GPR25: variants seen among roughly 807,000 people sequenced by gnomAD.
The protein encoded by GPR25 is C-X-C chemokine receptor GPR25.
For synonymous variants in GPR25, 280 were observed against 264.9 expected (o/e 1.06, Z -0.55); for missense variants, 501 against 503.0 (o/e 1.00, Z 0.04).
Position 200,873,107 on chromosome 1 carries a change from C to A in GPR25, c.70C>A (p.Leu24Met), listed in dbSNP as rs369072528. The A allele has an allele frequency of 2.5e-6, 4 of 1,595,998 alleles. No individual in the cohort carries two copies. The highest frequency in any genetic ancestry group is 1.3e-5 in the African/African-American group (1 of 74,798). The change falls in exon 1 of 1, where the codon CTG becomes ATG. Residue 24 changes from leucine to methionine, a missense_variant. Coordinates refer to ENST00000304244, the MANE Select transcript of GPR25 (RefSeq NM_005298.4). Reference protein sequence around the residue: ...APWDYSGLDGLEELELCPAGD... With the variant: ...APWDYSGLDGMEELELCPAGD... ...CTGGGACTACTCGGGGTTGGACGGC[C>A]TGGAGGAGCTGGAGCTGTGTCCGGC...
In GPR25 at chr1:200,873,987, G is replaced by A. The variant is rs1668008539; in HGVS notation, c.950G>A (p.Arg317Gln). 1 of 1,612,156 alleles carries A rather than the reference G, an allele frequency of 6.2e-7. No individual in the cohort carries two copies. ...YLLLDRSFRA[R>Q]ALDGACGRTG... is the part of the protein sequence containing the mutation. ...CTGCTGGACCGCTCATTCCGAGCCCGGGCGCTGGACGGGGCCTGCGGGCGC... is the reference window on the plus strand; with the variant it reads ...CTGCTGGACCGCTCATTCCGAGCCCAGGCGCTGGACGGGGCCTGCGGGCGC... The change falls in exon 1 of 1, where the codon CGG (arginine) becomes CAG (glutamine). Residue 317 changes from arginine (R) to glutamine (Q), a missense_variant. By Grantham distance (43) the Arg-to-Gln change is conservative. Transcript: ENST00000304244.
chr1:200,874,119 G>C lies in GPR25; in HGVS notation c.1082G>C (p.Trp361Ser). The change falls in exon 1 of 1, where the codon TGG becomes TCG. Residue 361 changes from tryptophan (W) to serine (S), a missense_variant. By Grantham distance (177) the Trp-to-Ser change is radical. Coordinates refer to ENST00000304244, the MANE Select transcript of GPR25 (RefSeq NM_005298.4). ...AQAANTASASW is the reference protein window; with the variant it reads ...AQAANTASASS ...GCCGCGAACACTGCCTCGGCCTCCT[G>C]GTAGCTGCCCCGGGCCGCTGGAGGT... 1 of 1,540,898 alleles carries C rather than the reference G, an allele frequency of 6.5e-7. No homozygotes were observed. Among genetic ancestry groups the C allele is most frequent in the Non-Finnish European group, 8.8e-7 (1 of 1,139,256 alleles).
At position 200,873,016 on chromosome 1, in the gene GPR25, G is replaced by T. The variant is rs761712523; in HGVS notation, c.-22G>T. 9.3e-6 allele frequency: 14 copies of T among 1,505,990 alleles called. 1 individual carries two copies. In the South Asian group the frequency reaches 1.5e-4, roughly 16 times the overall value. 93.3% of individuals were successfully genotyped at this position (1,505,990 alleles called of 1,614,324 possible). The stretch of plus-strand genomic sequence containing the variant: ...CCGCCTGCGCCCAGGGCTGCACTCC[G>T]CGCAGGCCTCATAGCCAGGCCATGG... On this transcript the variant is annotated 5_prime_UTR_variant, in exon 1 of 1. Transcript: ENST00000304244.
In GPR25 at chr1:200,874,080, G is replaced by A. The variant is rs774335788; in HGVS notation, c.1043G>A (p.Arg348His). The change falls in exon 1 of 1, where the codon CGT becomes CAT. Residue 348 changes from arginine (R) to histidine (H), a missense_variant. Physicochemically the swap from Arg to His is conservative, Grantham distance 29. Transcript: ENST00000304244. Reference sequence around the variant, plus strand: ...TCCAGGGACGACAGTTCCGTGTTCCGTTGCCGGGCCCAGGCCGCGAACACT... The same window carrying A: ...TCCAGGGACGACAGTTCCGTGTTCCATTGCCGGGCCCAGGCCGCGAACACT... ...SLSRDDSSVF[R>H]CRAQAANTAS... 2 of 1,591,362 alleles carry A rather than the reference G, an allele frequency of 1.3e-6. No individual in the cohort carries two copies. The highest frequency in any genetic ancestry group is 1.1e-5 in the South Asian group (1 of 88,982).
Position 200,873,498 on chromosome 1 carries a change from G to A in GPR25, c.461G>A (p.Arg154His), listed in dbSNP as rs750918995. ...LLEARPLRTP[R>H]CALASCCGVW... ...GAGGCGAGGCCACTGCGCACCCCGCGCTGCGCGCTGGCCTCGTGCTGCGGC... is the reference window on the plus strand; with the variant it reads ...GAGGCGAGGCCACTGCGCACCCCGCACTGCGCGCTGGCCTCGTGCTGCGGC... Residue 154 changes from arginine to histidine, a missense_variant, in exon 1 of 1, where the codon CGC (arginine) becomes CAC (histidine). Arg to His is a conservative substitution (Grantham distance 29, BLOSUM62 0). Coordinates refer to ENST00000304244, the MANE Select transcript of GPR25 (RefSeq NM_005298.4). 6.4e-7 allele frequency: 1 copy of A among 1,561,814 alleles called. No individual in the cohort carries two copies. Among genetic ancestry groups the A allele is most frequent in the Non-Finnish European group, 8.6e-7 (1 of 1,162,604 alleles).
At position 200,873,980 on chromosome 1, in the gene GPR25, C is replaced by G. The variant is rs755676629; in HGVS notation, c.943C>G (p.Arg315Gly). 2 of 1,612,198 alleles carry G rather than the reference C, an allele frequency of 1.2e-6. No individual in the cohort carries two copies. The highest frequency in any genetic ancestry group is 8.5e-7 in the Non-Finnish European group (1 of 1,179,592). Residue 315 changes from arginine (R) to glycine (G), a missense_variant, in exon 1 of 1, where the codon CGA becomes GGA. Arg to Gly is a moderately radical substitution (Grantham distance 125, BLOSUM62 -2). Coordinates refer to ENST00000304244, the MANE Select transcript of GPR25 (RefSeq NM_005298.4). ...CTACCTCCTGCTGGACCGCTCATTC[C>G]GAGCCCGGGCGCTGGACGGGGCCTG... ...LIYLLLDRSF[R>G]ARALDGACGR...
rs1423726739 is a variant in GPR25, at chr1:200,873,433, C to A, written c.396C>A (p.Gly132=). 1 of 1,526,448 alleles carries A rather than the reference C, an allele frequency of 6.6e-7. No individual in the cohort carries two copies. The highest frequency in any genetic ancestry group is 8.7e-7 in the Non-Finnish European group (1 of 1,146,578). 94.6% of individuals were successfully genotyped at this position (1,526,448 alleles called of 1,614,324 possible). A position where few individuals can be genotyped will look rare whatever the true frequency, so the allele number is the denominator to read the frequency against. ...GCGCGGGCGCGCTGCTGCTGGCGGGCATGAGCGTGGACCGCTACCTGGCCG... is the reference window on the plus strand; with the variant it reads ...GCGCGGGCGCGCTGCTGCTGGCGGGAATGAGCGTGGACCGCTACCTGGCCG... The part of the protein sequence containing the change: ...TRCAGALLLA[G]MSVDRYLAVV... Residue 132 remains glycine, a synonymous_variant, in exon 1 of 1, where the codon GGC becomes GGA. Coordinates refer to ENST00000304244, the MANE Select transcript of GPR25 (RefSeq NM_005298.4).
chr1:200,873,563 G>A lies in GPR25; in HGVS notation c.526G>A (p.Val176Ile), dbSNP rs1219637980. The A allele has an allele frequency of 2.5e-6, 4 of 1,575,886 alleles. No individual in the cohort carries two copies. The highest frequency in any genetic ancestry group is 1.3e-5 in the African/African-American group (1 of 74,492). The part of the protein sequence containing the change: ...VALLAGLPSL[V>I]YRGLQPLPGG... ...GCTGCTGGCCGGCCTGCCCTCCCTG[G>A]TCTACCGGGGGTTGCAGCCCCTGCC... The change falls in exon 1 of 1, where the codon GTC (valine) becomes ATC (isoleucine). Residue 176 changes from valine to isoleucine, a missense_variant. Transcript: ENST00000304244.
At position 200,873,016 on chromosome 1, in the gene GPR25, G is replaced by A. The variant is rs761712523; in HGVS notation, c.-22G>A. ...CCGCCTGCGCCCAGGGCTGCACTCCGCGCAGGCCTCATAGCCAGGCCATGG... is the reference window on the plus strand; with the variant it reads ...CCGCCTGCGCCCAGGGCTGCACTCCACGCAGGCCTCATAGCCAGGCCATGG... On this transcript the variant is annotated 5_prime_UTR_variant, in exon 1 of 1. Transcript: ENST00000304244. 3 of 1,505,872 alleles carry A rather than the reference G, an allele frequency of 2.0e-6. No individual in the cohort carries two copies. The African/African-American group carries it at 4.1e-5, about 21-fold the overall frequency. The allele number at this position is 1,505,872 out of a possible 1,614,324, so 93.3% of individuals were successfully genotyped here.
At position 200,873,262 on chromosome 1, in the gene GPR25, T is replaced by C; in HGVS notation, c.225T>C (p.Asp75=). 3.2e-6 allele frequency: 5 copies of C among 1,566,728 alleles called. No homozygotes were observed. Among genetic ancestry groups the C allele is most frequent in the Non-Finnish European group, 4.3e-6 (5 of 1,161,026 alleles). ...AGRRGPRRLV[D]TFVLHLAAAD... ...GGCGGGGCCCGCGGCGGCTGGTGGA[T>C]ACCTTCGTGCTGCACCTGGCGGCAG... The change falls in exon 1 of 1, where the codon GAT becomes GAC. Residue 75 remains aspartate (D), a synonymous_variant. Coordinates refer to ENST00000304244, the MANE Select transcript of GPR25 (RefSeq NM_005298.4).
rs758221692 is a variant in GPR25, at chr1:200,873,801, G to T, written c.764G>T (p.Gly255Val). The T allele has an allele frequency of 4.5e-5, 72 of 1,599,944 alleles. No individual in the cohort carries two copies. The East Asian group carries it at 1.5e-3, about 34-fold the overall frequency. Residue 255 changes from glycine (G) to valine (V), a missense_variant, in exon 1 of 1, where the codon GGC (glycine) becomes GTC (valine). Transcript: ENST00000304244. ...TTCGCCATCGAGAGCACGTTTGTGG[G>T]CTCCTGGCTGCCCTTCAGCGCCCTG... is the stretch of plus-strand genomic sequence containing the variant. ...IIFAIESTFV[G>V]SWLPFSALRA...
In GPR25 at chr1:200,873,043, C is replaced by A; in HGVS notation, c.6C>A (p.Ala2=). The A allele has an allele frequency of 5.8e-6, 9 of 1,542,062 alleles. No homozygotes were observed. Among genetic ancestry groups the A allele is most frequent in the Non-Finnish European group, 7.8e-6 (9 of 1,148,162 alleles). ...GCAGGCCTCATAGCCAGGCCATGGC[C>A]CCCACAGAGCCCTGGAGCCCCAGCC... M[A]PTEPWSPSPG... Residue 2 remains alanine, a synonymous_variant, in exon 1 of 1, where the codon GCC becomes GCA. Coordinates refer to ENST00000304244, the MANE Select transcript of GPR25 (RefSeq NM_005298.4).
At position 200,873,199 on chromosome 1, in the gene GPR25, G is replaced by C. The variant is rs1168162913; in HGVS notation, c.162G>C (p.Leu54=). 7.5e-6 allele frequency: 12 copies of C among 1,605,820 alleles called. No individual in the cohort carries two copies. Among genetic ancestry groups the C allele is most frequent in the Non-Finnish European group, 1.0e-5 (12 of 1,178,878 alleles). The change falls in exon 1 of 1, where the codon CTG becomes CTC. Residue 54 remains leucine (L), a synonymous_variant. Transcript: ENST00000304244. ...ALYLAAFAVG[L]LGNAFVVWLL... The stretch of plus-strand genomic sequence containing the variant: ...ACCTGGCGGCCTTCGCCGTGGGCCT[G>C]CTGGGCAACGCCTTTGTGGTGTGGC...
In GPR25 at chr1:200,874,060, G is replaced by T. The variant is rs772479717; in HGVS notation, c.1023G>T (p.Arg341Ser). The T allele has an allele frequency of 1.2e-6, 2 of 1,607,440 alleles. No individual in the cohort carries two copies. The highest frequency in any genetic ancestry group is 4.5e-5 in the East Asian group (2 of 44,720). Residue 341 changes from arginine to serine, a missense_variant, in exon 1 of 1, where the codon AGG becomes AGT. Physicochemically the swap from Arg to Ser is moderately radical, Grantham distance 110. Transcript: ENST00000304244. ...TCAGCTCAGCCTCCTCGCTCTCCAG[G>T]GACGACAGTTCCGTGTTCCGTTGCC... ...RRISSASSLS[R>S]DDSSVFRCRA...
Position 200,873,409 on chromosome 1 carries a change from C to A in GPR25, c.372C>A (p.Cys124Ter). The A allele has an allele frequency of 6.7e-7, 1 of 1,500,270 alleles. No homozygotes were observed. The highest frequency in any genetic ancestry group is 1.3e-5 in the South Asian group (1 of 79,858). 92.9% of individuals were successfully genotyped at this position (1,500,270 alleles called of 1,614,324 possible). Residue 124 changes from cysteine to a stop codon, truncating the protein, a stop_gained, in exon 1 of 1, where the codon TGC becomes TGA. Coordinates refer to ENST00000304244, the MANE Select transcript of GPR25 (RefSeq NM_005298.4). LOFTEE classifies it low-confidence loss of function (END_TRUNC). ...GCTTCGCGCTGGCGGGCACGCGCTG[C>A]GCGGGCGCGCTGCTGCTGGCGGGCA... ...LSSFALAGTR[C>*]AGALLLAGMS...
chr1:200,874,035 T>G lies in GPR25; in HGVS notation c.998T>G (p.Ile333Ser). ...CGCACCGGCCGCCTGGCGCGAAGGATCAGCTCAGCCTCCTCGCTCTCCAGG... is the reference window on the plus strand; with the variant it reads ...CGCACCGGCCGCCTGGCGCGAAGGAGCAGCTCAGCCTCCTCGCTCTCCAGG... ...CGRTGRLARRISSASSLSRDD... is the reference protein window; with the variant it reads ...CGRTGRLARRSSSASSLSRDD... The change falls in exon 1 of 1, where the codon ATC becomes AGC. Residue 333 changes from isoleucine (I) to serine (S), a missense_variant. Physicochemically the swap from Ile to Ser is moderately radical, Grantham distance 142 (BLOSUM62 -2). Transcript: ENST00000304244. 6.2e-7 allele frequency: 1 copy of G among 1,611,218 alleles called. No homozygotes were observed. Among genetic ancestry groups the G allele is most frequent in the South Asian group, 1.1e-5 (1 of 90,886 alleles).
At position 200,873,202 on chromosome 1, in the gene GPR25, G is replaced by T; in HGVS notation, c.165G>T (p.Leu55=). Residue 55 remains leucine (L), a synonymous_variant, in exon 1 of 1, where the codon CTG becomes CTT. Coordinates refer to ENST00000304244, the MANE Select transcript of GPR25 (RefSeq NM_005298.4). The stretch of plus-strand genomic sequence containing the variant: ...TGGCGGCCTTCGCCGTGGGCCTGCT[G>T]GGCAACGCCTTTGTGGTGTGGCTGC... ...LYLAAFAVGL[L]GNAFVVWLLA... The T allele has an allele frequency of 6.2e-7, 1 of 1,605,966 alleles. No homozygotes were observed.
In GPR25 at chr1:200,873,463, G is replaced by A. The variant is rs1341483431; in HGVS notation, c.426G>A (p.Val142=). The change falls in exon 1 of 1, where the codon GTG becomes GTA. Residue 142 remains valine (V), a synonymous_variant. Coordinates refer to ENST00000304244, the MANE Select transcript of GPR25 (RefSeq NM_005298.4). ...GMSVDRYLAV[V]KLLEARPLRT... ...GCGTGGACCGCTACCTGGCCGTGGT[G>A]AAGCTGCTCGAGGCGAGGCCACTGC... 1 of 1,561,672 alleles carries A rather than the reference G, an allele frequency of 6.4e-7. No individual in the cohort carries two copies. Among genetic ancestry groups the A allele is most frequent in the Non-Finnish European group, 8.6e-7 (1 of 1,162,998 alleles).
chr1:200,873,573 G>T lies in GPR25; in HGVS notation c.536G>T (p.Gly179Val). The T allele has an allele frequency of 6.3e-7, 1 of 1,581,760 alleles. No individual in the cohort carries two copies. The highest frequency in any genetic ancestry group is 8.5e-7 in the Non-Finnish European group (1 of 1,172,102). Reference protein sequence around the residue: ...LAGLPSLVYRGLQPLPGGQDS... With the variant: ...LAGLPSLVYRVLQPLPGGQDS... ...GGCCTGCCCTCCCTGGTCTACCGGG[G>T]GTTGCAGCCCCTGCCTGGGGGCCAG... Residue 179 changes from glycine (G) to valine (V), a missense_variant, in exon 1 of 1, where the codon GGG becomes GTG. Physicochemically the swap from Gly to Val is moderately radical, Grantham distance 109. Transcript: ENST00000304244.
Sources: allele counts gnomAD v4.1 joint callset, GRCh38; gene constraint gnomAD v4.1.1; transcripts MANE v1.5; gene names NCBI Gene and HGNC (gene_info 2026-07-23, HGNC 2026-07-21).